ZMIZ1: variants seen among roughly 807,000 people sequenced by gnomAD.
The protein encoded by ZMIZ1 is zinc finger MIZ domain-containing protein 1.
ZMIZ1 carries 17 observed loss-of-function variants against 113.9 expected under a neutral mutation model. The ratio of observed to expected loss-of-function variants is 0.15; its 90% CI spans 0.10 to 0.22. The LOEUF is 0.22. Ranked by LOEUF, ZMIZ1 falls within the 10% of genes least tolerant of loss-of-function variation. ZMIZ1 has a pLI of 1.00. For missense variants in ZMIZ1, 1,059 were observed against 1,477.8 expected (o/e 0.72, Z 4.65); for synonymous variants, 607 against 603.1 (o/e 1.01, Z -0.09).
intron 5 of ZMIZ1, among the ~76,000 whole-genome samples, chr10:79,205,193 G>A (rs1301214777): frequency 2.6e-5 from 4 of 152,232 alleles, no homozygotes; most frequent in African/African-American, 9.6e-5. Flanking sequence ...ATGGGGGACA[G>A]AGTACTAGTG....
chr10:79,156,609 TCCA>T, intron 3 of ZMIZ1, among the ~76,000 whole-genome samples: 1 of 152,158 alleles, frequency 6.6e-6, no homozygotes, highest in South Asian at 2.1e-4. Context: ...AGGCTGGGCT[TCCA>T]GGGCTGGGCT....
At chr10:79,112,293 C>T (rs966526049) in intron 1 of ZMIZ1, among the ~76,000 whole-genome samples, 1 of 152,186 alleles carries the variant, frequency 6.6e-6, no homozygotes, top group Non-Finnish European at 1.5e-5. Context: ...GTCGGACCCA[C>T]GCTCTGCACG....
chr10:79,310,254 T>C (rs1855032526), intron 23 of ZMIZ1, among the ~76,000 whole-genome samples: 1 of 152,188 alleles, frequency 6.6e-6, no homozygotes, highest in African/African-American at 2.4e-5. Flanking sequence ...GAAAAGGGTC[T>C]GGCAGGGTGT....
intron 3 of ZMIZ1, among the ~76,000 whole-genome samples, chr10:79,151,931 C>T (rs1845728010): frequency 6.6e-6 from 1 of 152,140 alleles, no homozygotes; most frequent in Admixed American, 6.5e-5. Context: ...TGTGCTGGCT[C>T]CTCCCGCCTG....
Position 79,183,351 on chromosome 10 carries a change from T to C in ZMIZ1, c.-49-18233T>C, listed in dbSNP as rs1589389420. On this transcript the variant is annotated intron_variant, in intron 4 of 24. Coordinates refer to ENST00000334512, the MANE Select transcript of ZMIZ1 (RefSeq NM_020338.4). ...GGACGCAGCACAGGCCTGAGGCTCG[T>C]GCACGCGCACACACACACACACACA... Among the ~76,000 whole-genome samples, 4 of 115,730 alleles carry C rather than the reference T, an allele frequency of 3.5e-5. No homozygotes were observed. The South Asian group carries it at 1.2e-3, about 35-fold the overall frequency. The allele number at this position is 115,730 out of a possible 152,430, so 75.9% of individuals were successfully genotyped here.
intron 1 of ZMIZ1, among the ~76,000 whole-genome samples, chr10:79,092,194 T>C (rs1332020602): frequency 6.6e-6 from 1 of 152,212 alleles, no homozygotes; most frequent in East Asian, 1.9e-4. Context: ...CCAGCCTGTC[T>C]GCCTGCTGCT....
chr10:79,073,325 T>C lies in ZMIZ1; in HGVS notation c.-337+4055T>C, dbSNP rs543337129. Among the ~76,000 whole-genome samples, 3 of 152,276 alleles carry C rather than the reference T, an allele frequency of 2.0e-5. No individual in the cohort carries two copies. The East Asian group carries it at 5.8e-4, about 29-fold the overall frequency. On this transcript the variant is annotated intron_variant, in intron 1 of 24. Transcript: ENST00000334512. ...TGGGAGGCTCTGGGTACAGAATGGG[T>C]AGAACACAAAGGGTTTAGATTGCAA...
Position 79,314,765 on chromosome 10 carries a change from G to C in ZMIZ1, c.*2016G>C. 6.4e-6 allele frequency: 1 copy of C among 157,084 alleles called. No homozygotes were observed. Among genetic ancestry groups the C allele is most frequent in the Non-Finnish European group, 1.4e-5 (1 of 71,482 alleles). 9.7% of individuals were successfully genotyped at this position (157,084 alleles called of 1,614,324 possible). On this transcript the variant is annotated 3_prime_UTR_variant, in exon 25 of 25. Coordinates refer to ENST00000334512, the MANE Select transcript of ZMIZ1 (RefSeq NM_020338.4). ...AACAGAATGGGCGGCTGTGCTGGGAGTTGGAAGACCGGGCAGCCCGCTATT... is the reference window on the plus strand; with the variant it reads ...AACAGAATGGGCGGCTGTGCTGGGACTTGGAAGACCGGGCAGCCCGCTATT...
At chr10:79,256,008 C>T (rs908257028) in intron 7 of ZMIZ1, among the ~76,000 whole-genome samples, 6 of 152,136 alleles carry the variant, frequency 3.9e-5, no homozygotes. Context: ...GGGGGGAATG[C>T]GGGTGTCCTG....
At chr10:79,260,404 G>A (rs900003067) in intron 7 of ZMIZ1, among the ~76,000 whole-genome samples, 5 of 152,144 alleles carry the variant, frequency 3.3e-5, no homozygotes, top group Non-Finnish European at 7.4e-5. Flanking sequence ...ATTCATAAAC[G>A]GTCAGGTCAG....
intron 1 of ZMIZ1, among the ~76,000 whole-genome samples, chr10:79,102,846 G>C (rs11002818): frequency 0.097 from 14,702 of 152,288 alleles, 923 homozygotes; most frequent in East Asian, 0.24. Flanking sequence ...AATCGTAGCT[G>C]TTCACTCACT....
chr10:79,215,739 C>T (rs1017889588), intron 6 of ZMIZ1, among the ~76,000 whole-genome samples: 1 of 151,976 alleles, frequency 6.6e-6, no homozygotes, highest in African/African-American at 2.4e-5. Context: ...GTAGTGGGTG[C>T]AGGAGCTCAG....
chr10:79,169,553 T>G (rs1846516001), intron 4 of ZMIZ1, among the ~76,000 whole-genome samples: 1 of 152,242 alleles, frequency 6.6e-6, no homozygotes. Flanking sequence ...TGGTATTGAC[T>G]CCTCCAGCTG....
At chr10:79,150,415 C>T (rs911803999) in intron 3 of ZMIZ1, among the ~76,000 whole-genome samples, 7 of 152,250 alleles carry the variant, frequency 4.6e-5, no homozygotes, top group Non-Finnish European at 1.0e-4. Flanking sequence ...GCTCTGGGCC[C>T]ACGCCCGTCC....
intron 3 of ZMIZ1, among the ~76,000 whole-genome samples, chr10:79,150,062 G>A (rs1203571242): frequency 1.3e-5 from 2 of 152,232 alleles, no homozygotes; most frequent in Admixed American, 6.5e-5. Flanking sequence ...CCCCTGGGCT[G>A]GGTGGGGCCA....
At chr10:79,221,748 G>T (rs562104971) in intron 7 of ZMIZ1, among the ~76,000 whole-genome samples, 1 of 152,354 alleles carries the variant, frequency 6.6e-6, no homozygotes, top group East Asian at 1.9e-4. Context: ...CAGCTGACCC[G>T]TGAGCAGCCA....
chr10:79,306,206 C>T lies in ZMIZ1; in HGVS notation c.2530C>T (p.Arg844Trp), dbSNP rs1392733689. Residue 844 changes from arginine (R) to tryptophan (W), a missense_variant, in exon 22 of 25, where the codon CGG (arginine) becomes TGG (tryptophan). Arg to Trp is a moderately radical substitution (Grantham distance 101, BLOSUM62 -3). Around this residue, in one of 6 missense-constraint regions of ZMIZ1, gnomAD observed 217 missense variants for 426.9 expected, o/e 0.51. Coordinates refer to ENST00000334512, the MANE Select transcript of ZMIZ1 (RefSeq NM_020338.4). ...KDDPDGIPSK[R>W]FKTMSPSQMI... is the part of the protein sequence containing the mutation. Reference sequence around the variant, plus strand: ...CGACCCTGATGGCATCCCCTCCAAGCGGTTCAAGACCATGAGTCCCAGCCA... The same window carrying T: ...CGACCCTGATGGCATCCCCTCCAAGTGGTTCAAGACCATGAGTCCCAGCCA... 2 of 1,614,146 alleles carry T rather than the reference C, an allele frequency of 1.2e-6. No homozygotes were observed. Among genetic ancestry groups the T allele is most frequent in the East Asian group, 2.2e-5 (1 of 44,878 alleles).
rs754472314 is a variant in ZMIZ1, at chr10:79,304,058, G to A, written c.2169G>A (p.Thr723=). 25 of 1,614,202 alleles carry A rather than the reference G, an allele frequency of 1.5e-5. No individual in the cohort carries two copies. The highest frequency in any genetic ancestry group is 1.3e-4 in the East Asian group (6 of 44,892). Reference sequence around the variant, plus strand: ...GCGTGGCTGCCTCCTCGGGCAACACGACCCTCAACGGGGAGGATGGGGTGG... The same window carrying A: ...GCGTGGCTGCCTCCTCGGGCAACACAACCCTCAACGGGGAGGATGGGGTGG... The part of the protein sequence containing the change: ...FSSVAASSGN[T]TLNGEDGVEQ... Residue 723 remains threonine, a synonymous_variant, in exon 19 of 25, where the codon ACG becomes ACA. Transcript: ENST00000334512.
rs1016017949 is a variant in ZMIZ1, at chr10:79,307,493, C to G, written c.2757C>G (p.Pro919=). Residue 919 remains proline, a synonymous_variant, in exon 23 of 25, where the codon CCC becomes CCG. Transcript: ENST00000334512. ...TSMNDFMHGP[P]QLSHPPDMPN... ...TGAATGACTTCATGCACGGGCCCCCCCAGCTCTCCCACCCCCCGGACATGC... is the reference window on the plus strand; with the variant it reads ...TGAATGACTTCATGCACGGGCCCCCGCAGCTCTCCCACCCCCCGGACATGC... 1 of 1,610,404 alleles carries G rather than the reference C, an allele frequency of 6.2e-7. No individual in the cohort carries two copies. Among genetic ancestry groups the G allele is most frequent in the African/African-American group, 1.3e-5 (1 of 74,644 alleles).
Sources: gnomAD v4.1 joint callset for allele counts (sites outside exome capture counted in the v4.1 genomes callset) on GRCh38, gnomAD v4.1.1 for gene constraint, gnomAD v4.1.1 regional missense constraint, MANE v1.5 for transcripts, NCBI Gene and HGNC (gene_info 2026-07-23, HGNC 2026-07-21) for gene names.